Variants in DPP10 observed in about 807,000 individuals in gnomAD.
DPP10 encodes the protein dipeptidyl peptidase like 10.
In DPP10, 33 loss-of-function variants were observed where a neutral mutation model predicts 120.9. That is an observed-to-expected ratio of 0.27 (90% confidence interval 0.21 to 0.37). DPP10 has a LOEUF of 0.37. Ranked by LOEUF, DPP10 falls within the 10% of genes least tolerant of loss-of-function variation. The pLI is 1.00. For missense variants in DPP10, 816 were observed against 942.8 expected (o/e 0.87, Z 1.76); for synonymous variants, 337 against 326.1 (o/e 1.03, Z -0.36).
At chr2:114,599,601 AT>A (rs1256272558) in intron 1 of DPP10, among the ~76,000 whole-genome samples, 2 of 150,868 alleles carry the variant, frequency 1.3e-5, no homozygotes, top group African/African-American at 2.4e-5. Context: ...AGTATACCAT[AT>A]TTTTTTTGTT....
intron 1 of DPP10, among the ~76,000 whole-genome samples, chr2:114,811,691 C>A (rs2106324086): frequency 6.6e-6 from 1 of 152,256 alleles, no homozygotes; most frequent in East Asian, 1.9e-4. Context: ...ACTCCACCAC[C>A]ACTACCCACC....
At position 114,925,703 on chromosome 2, in the gene DPP10, G is replaced by A. The variant is rs373317738; in HGVS notation, c.61-383536G>A. On this transcript the variant is annotated intron_variant, in intron 1 of 25. Transcript: ENST00000410059. ...TCCAGGCAAAGGGAATGAAAACCCA[G>A]AGACTATCTCCCCGAGAGCCCTGTA... Among the ~76,000 whole-genome samples the A allele has an allele frequency of 1.3e-3, 202 of 152,306 alleles. 1 individual carries two copies. Among genetic ancestry groups the A allele is most frequent in the African/African-American group, 4.3e-3 (179 of 41,562 alleles).
At chr2:115,757,963 G>T (rs747993815) in intron 11 of DPP10, among the ~76,000 whole-genome samples, 9 of 152,184 alleles carry the variant, frequency 5.9e-5, no homozygotes, top group Non-Finnish European at 1.2e-4. Flanking sequence ...CCTTATTCAT[G>T]TTAAGATTAG....
At chr2:115,469,764 G>C (rs986155441) in intron 3 of DPP10, among the ~76,000 whole-genome samples, 1 of 151,794 alleles carries the variant, frequency 6.6e-6, no homozygotes, top group African/African-American at 2.4e-5. Flanking sequence ...CAGGCGTGGT[G>C]GCACTTTCCT....
intron 3 of DPP10, among the ~76,000 whole-genome samples, chr2:115,358,738 A>T (rs532109154): frequency 3.9e-5 from 6 of 152,296 alleles, no homozygotes; most frequent in Non-Finnish European, 8.8e-5. Context: ...AAAGAGGTTT[A>T]ATTGCCTCCT....
At chr2:115,548,836 G>T (rs913337169) in intron 5 of DPP10, among the ~76,000 whole-genome samples, 8 of 152,146 alleles carry the variant, frequency 5.3e-5, no homozygotes, top group Non-Finnish European at 1.2e-4. Flanking sequence ...CTGTGGAAAT[G>T]TGGCAGTGGC....
chr2:115,104,537 T>C (rs116479002), intron 1 of DPP10, among the ~76,000 whole-genome samples: 1 of 152,306 alleles, frequency 6.6e-6, no homozygotes, highest in Non-Finnish European at 1.5e-5. Flanking sequence ...ATATGTGATC[T>C]TCCTTGTTCC....
At chr2:114,967,203 T>A (rs1699095921) in intron 1 of DPP10, among the ~76,000 whole-genome samples, 1 of 152,120 alleles carries the variant, frequency 6.6e-6, no homozygotes, top group Non-Finnish European at 1.5e-5. Context: ...ATAAAAAAAA[T>A]CTTCCATTAG....
At chr2:114,703,281 A>G (rs963010793) in intron 1 of DPP10, among the ~76,000 whole-genome samples, 1 of 152,162 alleles carries the variant, frequency 6.6e-6, no homozygotes, top group African/African-American at 2.4e-5. Flanking sequence ...TCTGGGGAAA[A>G]CAAACCACTT....
chr2:115,473,613 C>A (rs2074875933), intron 3 of DPP10, among the ~76,000 whole-genome samples: 1 of 152,172 alleles, frequency 6.6e-6, no homozygotes, highest in Non-Finnish European at 1.5e-5. Context: ...AGTTTTCTGT[C>A]TTCCAAAGCC....
intron 1 of DPP10, among the ~76,000 whole-genome samples, chr2:115,169,991 G>T (rs1573875838): frequency 1.3e-5 from 2 of 152,118 alleles, no homozygotes; most frequent in African/African-American, 4.8e-5. Flanking sequence ...AAACAGAAAT[G>T]TGACAAATCT....
intron 5 of DPP10, among the ~76,000 whole-genome samples, chr2:115,649,445 G>A (rs1276560561): frequency 6.6e-6 from 1 of 152,068 alleles, no homozygotes; most frequent in Non-Finnish European, 1.5e-5. Context: ...TTATATGTCA[G>A]TCTTCATTCC....
At chr2:114,485,253 ACAG>A (rs1286449407) in intron 1 of DPP10, among the ~76,000 whole-genome samples, 2 of 152,162 alleles carry the variant, frequency 1.3e-5, no homozygotes, top group Non-Finnish European at 2.9e-5. Flanking sequence ...ATGAATCAGG[ACAG>A]CTGCCGTTCT....
chr2:114,656,757 A>G (rs1696997008), intron 1 of DPP10, among the ~76,000 whole-genome samples: 1 of 152,110 alleles, frequency 6.6e-6, no homozygotes, highest in Non-Finnish European at 1.5e-5. Flanking sequence ...ACAAATTAGA[A>G]AGTAGAGAAT....
chr2:115,039,416 G>A (rs1056699293), intron 1 of DPP10, among the ~76,000 whole-genome samples: 1 of 152,128 alleles, frequency 6.6e-6, no homozygotes, highest in African/African-American at 2.4e-5. Flanking sequence ...ACTGCAAATT[G>A]TAGTCTTCTG....
At chr2:114,449,649 A>C (rs1678146861) in intron 1 of DPP10, among the ~76,000 whole-genome samples, 1 of 151,986 alleles carries the variant, frequency 6.6e-6, no homozygotes. Flanking sequence ...AAGGCAATTA[A>C]CCCTGTTAAG....
At chr2:115,509,861 A>G (rs1003532063) in intron 4 of DPP10, among the ~76,000 whole-genome samples, 2 of 152,158 alleles carry the variant, frequency 1.3e-5, no homozygotes, top group African/African-American at 2.4e-5. Context: ...TCACATCTCT[A>G]CAAAACAGGT....
chr2:114,628,626 C>G (rs548245970), intron 1 of DPP10, among the ~76,000 whole-genome samples: 1 of 152,212 alleles, frequency 6.6e-6, no homozygotes, highest in Non-Finnish European at 1.5e-5. Context: ...CAGCCTGACT[C>G]TCATCTTGAA....
chr2:114,486,219 A>G (rs1204264974), intron 1 of DPP10, among the ~76,000 whole-genome samples: 1 of 152,100 alleles, frequency 6.6e-6, no homozygotes, highest in Admixed American at 6.6e-5. Flanking sequence ...AGTGCGTGTG[A>G]TGTTGATACA....
Sources: allele counts gnomAD v4.1 joint callset (sites outside exome capture counted in the v4.1 genomes callset), GRCh38; gene constraint gnomAD v4.1.1; transcripts MANE v1.5; gene names NCBI Gene and HGNC (gene_info 2026-07-23, HGNC 2026-07-21).